Variants in MAP4K3 observed in about 807,000 individuals in gnomAD.
MAP4K3 encodes MAPK/ERK kinase kinase kinase 3.
MAP4K3 carries 94 observed loss-of-function variants against 143.5 expected under a neutral mutation model. The observed-to-expected ratio is 0.65, with a 90% CI of 0.55 to 0.78. MAP4K3 has a LOEUF of 0.78. MAP4K3 is among the 30% of genes least tolerant of loss of function. The probability of loss-of-function intolerance (pLI) is 0.00; values close to 1 mark genes in which losing one functional copy is unlikely to be tolerated. For synonymous variants in MAP4K3, 416 were observed against 347.2 expected (o/e 1.20, Z -2.20); for missense variants, 1,077 against 1,068.1 (o/e 1.01, Z -0.12).
In MAP4K3 at chr2:39,267,191, A is replaced by G; in HGVS notation, c.2030T>C (p.Val677Ala). 1 of 1,614,086 alleles carries G rather than the reference A, an allele frequency of 6.2e-7. No homozygotes were observed. The highest frequency in any genetic ancestry group is 8.5e-7 in the Non-Finnish European group (1 of 1,179,972). ...PETKWCQKCCVVRNPYTGHKY... is the reference protein window; with the variant it reads ...PETKWCQKCCAVRNPYTGHKY... The stretch of plus-strand genomic sequence containing the variant: ...ATGCTATTGGACAGTTTACTTACCA[A>G]CACAACACTTCTGGCACCATTTGGT... The change falls in exon 27 of 34, where the codon GTT becomes GCT. Residue 677 changes from valine to alanine, a missense_variant and splice_region_variant. Transcript: ENST00000263881.
At chr2:39,318,957 A>C (rs1337740897) in intron 12 of MAP4K3, among the ~76,000 whole-genome samples, 1 of 152,124 alleles carries the variant, frequency 6.6e-6, no homozygotes, top group Non-Finnish European at 1.5e-5. Context: ...GTCCCTGAGG[A>C]GACATTTGGC....
intron 1 of MAP4K3, among the ~76,000 whole-genome samples, chr2:39,415,997 ATATATAT>A (rs1465665479): frequency 1.9e-5 from 2 of 105,292 alleles, no homozygotes; most frequent in African/African-American, 7.7e-5. Flanking sequence ...ATATATATAT[ATATATAT>A]AAAAATAACA....
At chr2:39,436,120 T>G (rs60192971) in intron 1 of MAP4K3, among the ~76,000 whole-genome samples, 7 of 152,204 alleles carry the variant, frequency 4.6e-5, no homozygotes, top group African/African-American at 1.7e-4. Flanking sequence ...AAGAGTTGAG[T>G]TGGCCAGGGA....
At chr2:39,415,966 A>ATAT (rs1667357836) in intron 1 of MAP4K3, among the ~76,000 whole-genome samples, 1 of 42,624 alleles carries the variant, frequency 2.3e-5, no homozygotes, top group South Asian at 7.7e-4. Flanking sequence ...AAAAAAAAAA[A>ATAT]AAAAAAAAAA....
chr2:39,429,498 A>C (rs1302986892), intron 1 of MAP4K3, among the ~76,000 whole-genome samples: 1 of 152,220 alleles, frequency 6.6e-6, no homozygotes, highest in African/African-American at 2.4e-5. Context: ...AACTGGTGAA[A>C]TCTGACTAAA....
At chr2:39,310,234 A>C (rs552534071) in intron 13 of MAP4K3, among the ~76,000 whole-genome samples, 94 of 152,286 alleles carry the variant, frequency 6.2e-4, no homozygotes, top group Admixed American at 1.5e-3. Context: ...CCTATGAAAC[A>C]ACCTCATTTC....
chr2:39,411,658 T>C (rs1372157190), intron 1 of MAP4K3, among the ~76,000 whole-genome samples: 1 of 152,222 alleles, frequency 6.6e-6, no homozygotes, highest in Non-Finnish European at 1.5e-5. Flanking sequence ...TCGTCATCCA[T>C]TCAGTTCTAA....
intron 1 of MAP4K3, among the ~76,000 whole-genome samples, chr2:39,415,014 A>AT (rs1223359520): frequency 6.6e-6 from 1 of 152,160 alleles, no homozygotes; most frequent in African/African-American, 2.4e-5. Flanking sequence ...ATCACCAACA[A>AT]TTTTTTAGAG....
At chr2:39,299,307 T>C (rs373889081) in intron 16 of MAP4K3, among the ~76,000 whole-genome samples, 32 of 152,336 alleles carry the variant, frequency 2.1e-4, no homozygotes, top group Middle Eastern at 3.4e-3. Context: ...ACACACATTT[T>C]AACTGCTATC....
chr2:39,380,113 G>T (rs1666321256), intron 1 of MAP4K3, among the ~76,000 whole-genome samples: 1 of 151,544 alleles, frequency 6.6e-6, no homozygotes, highest in South Asian at 2.1e-4. Flanking sequence ...AGTTTTTTAG[G>T]GTTAACTGAA....
chr2:39,254,576 G>T (rs545471057), intron 31 of MAP4K3, 56 bp from the exon 32 acceptor site: 3 of 1,324,878 alleles, frequency 2.3e-6, no homozygotes, highest in East Asian at 4.6e-5. Context: ...CAACTGATAA[G>T]CATCATTTCA....
At chr2:39,358,520 T>A (rs1230026910) in intron 2 of MAP4K3, among the ~76,000 whole-genome samples, 1 of 152,276 alleles carries the variant, frequency 6.6e-6, no homozygotes, top group African/African-American at 2.4e-5. Context: ...TGGCTTTAGG[T>A]TTTCAACTGC....
chr2:39,295,389 A>G (rs1191124340), intron 16 of MAP4K3, among the ~76,000 whole-genome samples: 1 of 151,932 alleles, frequency 6.6e-6, no homozygotes, highest in Non-Finnish European at 1.5e-5. Flanking sequence ...TTTAATTTTG[A>G]ATACTATAAA....
At chr2:39,408,092 C>A (rs1449263140) in intron 1 of MAP4K3, among the ~76,000 whole-genome samples, 2 of 152,056 alleles carry the variant, frequency 1.3e-5, no homozygotes, top group Non-Finnish European at 1.5e-5. Flanking sequence ...AAAATAAACA[C>A]CAGCTGCCAG....
At chr2:39,346,965 T>G (rs1408367882) in intron 3 of MAP4K3, among the ~76,000 whole-genome samples, 2 of 152,018 alleles carry the variant, frequency 1.3e-5, no homozygotes, top group Non-Finnish European at 2.9e-5. Flanking sequence ...ATCCTTCCTC[T>G]AAAAGAGTGA....
intron 1 of MAP4K3, among the ~76,000 whole-genome samples, chr2:39,421,271 AAC>A (rs899213595): frequency 6.6e-6 from 1 of 152,130 alleles, no homozygotes; most frequent in Non-Finnish European, 1.5e-5. Flanking sequence ...TCTACAGAAC[AAC>A]ACAGTGACTA....
In MAP4K3 at chr2:39,351,456, T is replaced by C. The variant is rs994730242; in HGVS notation, c.245+4793A>G. On this transcript the variant is annotated intron_variant, in intron 3 of 33. Coordinates refer to ENST00000263881, the MANE Select transcript of MAP4K3 (RefSeq NM_003618.4). ...CTGCATCTAGCATATTATGTTACGA[T>C]TATTTGCTCATGCCTACTTCTCCTG... Among the ~76,000 whole-genome samples the C allele has an allele frequency of 4.6e-5, 7 of 152,350 alleles. No homozygotes were observed. In the South Asian group the frequency reaches 1.4e-3, roughly 32 times the overall value.
At chr2:39,391,949 G>A (rs910607716) in intron 1 of MAP4K3, among the ~76,000 whole-genome samples, 5 of 151,942 alleles carry the variant, frequency 3.3e-5, no homozygotes, top group Non-Finnish European at 7.4e-5. Flanking sequence ...TTGGGAGGCC[G>A]AGGCAGGCAG....
intron 2 of MAP4K3, among the ~76,000 whole-genome samples, chr2:39,371,938 G>C (rs1170794908): frequency 6.7e-6 from 1 of 150,092 alleles, no homozygotes; most frequent in Non-Finnish European, 1.5e-5. Context: ...AATTTTTGTA[G>C]AGCATTCAGA....
Sources: allele counts gnomAD v4.1 joint callset (sites outside exome capture counted in the v4.1 genomes callset), GRCh38; gene constraint gnomAD v4.1.1; transcripts MANE v1.5; gene names NCBI Gene and HGNC (gene_info 2026-07-23, HGNC 2026-07-21).